The following VRK2 variants were observed in gnomAD, a reference collection of about 807,000 sequenced individuals.
VRK2 encodes VRK serine/threonine kinase 2.
A neutral mutation model predicts 57.6 loss-of-function variants in VRK2; 60 were observed. The ratio of observed to expected loss-of-function variants is 1.04; its 90% CI spans 0.85 to 1.29. The LOEUF (loss-of-function observed/expected upper bound fraction) is 1.29, where lower values mean the gene tolerates loss of function less well. Ranked by LOEUF, VRK2 falls within the 50% of genes most tolerant of loss-of-function variation. The probability of loss-of-function intolerance (pLI) is 0.00; values close to 1 mark genes in which losing one functional copy is unlikely to be tolerated. For missense variants in VRK2, 705 were observed against 588.1 expected (o/e 1.20, Z -2.06); for synonymous variants, 231 against 199.2 (o/e 1.16, Z -1.35).
At chr2:58,020,232 A>T (rs1156455831) in intron 1 of VRK2, among the ~76,000 whole-genome samples, 1 of 152,204 alleles carries the variant, frequency 6.6e-6, no homozygotes, top group Non-Finnish European at 1.5e-5. Context: ...GTTTTTAGAG[A>T]CAGAGTCTTG....
At chr2:57,955,899 C>G (rs1399994579) in intron 1 of VRK2, among the ~76,000 whole-genome samples, 2 of 151,976 alleles carry the variant, frequency 1.3e-5, no homozygotes, top group Non-Finnish European at 2.9e-5. Context: ...GAGTTTTTCA[C>G]CATTGGGAAG....
At chr2:57,945,026 AACTT>A (rs1671219149) in intron 1 of VRK2, among the ~76,000 whole-genome samples, 1 of 152,174 alleles carries the variant, frequency 6.6e-6, no homozygotes, top group South Asian at 2.1e-4. Context: ...TGGGCTCAGA[AACTT>A]ACTCAAGGTC....
intron 7 of VRK2, among the ~76,000 whole-genome samples, chr2:58,103,311 T>TTTTTTG (rs1674284763): frequency 6.7e-6 from 1 of 150,222 alleles, no homozygotes; most frequent in South Asian, 2.1e-4. Flanking sequence ...AAATGAAAAG[T>TTTTTTG]TTGTTCTTTA....
Position 58,131,938 on chromosome 2 carries a change from T to C in VRK2, c.797+10T>C. The C allele has an allele frequency of 6.2e-7, 1 of 1,613,928 alleles. No individual in the cohort carries two copies. The highest frequency in any genetic ancestry group is 1.7e-5 in the Admixed American group (1 of 60,002). On this transcript the variant is annotated intron_variant, in intron 9 of 12. Coordinates refer to ENST00000340157, the MANE Select transcript of VRK2 (RefSeq NM_006296.7). Reference sequence around the variant, plus strand: ...AGACTGCTAAAACAAAGTACAAATTTTCAAGTATTTCATCATGTACTGCAC... The same window carrying C: ...AGACTGCTAAAACAAAGTACAAATTCTCAAGTATTTCATCATGTACTGCAC...
chr2:58,089,339 G>C (rs1672053608), intron 6 of VRK2, among the ~76,000 whole-genome samples: 1 of 152,200 alleles, frequency 6.6e-6, no homozygotes, highest in African/African-American at 2.4e-5. Flanking sequence ...TCTTTGTGCA[G>C]TGCGGTTTGG....
exon 3 of VRK2, chr2:58,033,286 C>T (rs1249920754): frequency 6.6e-6 from 1 of 151,900 alleles, no homozygotes; most frequent in Non-Finnish European, 1.5e-5. Context: ...GCAAAAAGGA[C>T]TTTACAGATC....
rs1266387350 is a variant in VRK2 at position 57,969,942 on chromosome 2, C to T, written c.-438-55723C>T. ...AATTCCATTGACCCCTTGGTATGGA[C>T]GTGTTTCAGTTTCAGTTTCCCCCCC... On this transcript the variant is annotated intron_variant, in intron 1 of 15. Transcript: ENST00000417641. 3.3e-5 allele frequency among the ~76,000 whole-genome samples: 5 copies of T among 151,900 alleles called. No individual in the cohort carries two copies. The East Asian group carries it at 7.7e-4, about 23-fold the overall frequency.
chr2:58,083,734 T>G (rs1189660873), intron 2 of VRK2, among the ~76,000 whole-genome samples: 1 of 151,844 alleles, frequency 6.6e-6, no homozygotes, highest in African/African-American at 2.4e-5. Flanking sequence ...ATGCCATATA[T>G]CTATAAAATA....
chr2:58,000,951 G>A (rs2103623134), intron 1 of VRK2, among the ~76,000 whole-genome samples: 1 of 152,160 alleles, frequency 6.6e-6, no homozygotes, highest in East Asian at 1.9e-4. Flanking sequence ...ACATAAATAT[G>A]CATAGCAGCT....
intron 1 of VRK2, among the ~76,000 whole-genome samples, chr2:58,007,051 G>T (rs543637757): frequency 1.3e-5 from 2 of 152,012 alleles, no homozygotes; most frequent in African/African-American, 4.8e-5. Flanking sequence ...TTTGGACTTT[G>T]ACTGGAACTG....
At chr2:58,074,723 T>C (rs1161514262) in intron 2 of VRK2, among the ~76,000 whole-genome samples, 1 of 152,240 alleles carries the variant, frequency 6.6e-6, no homozygotes, top group African/African-American at 2.4e-5. Flanking sequence ...CACGGTTCAT[T>C]TCTTTTGCAG....
Position 58,146,334 on chromosome 2 carries a change from G to T in VRK2, c.1042G>T (p.Ala348Ser). Residue 348 changes from alanine to serine, a missense_variant, in exon 12 of 13, where the codon GCA becomes TCA. Physicochemically the swap from Ala to Ser is moderately conservative, Grantham distance 99 (BLOSUM62 1). Transcript: ENST00000340157. The part of the protein sequence containing the change: ...NSQKVDSQKA[A>S]TKQVNKAHNR... ...CCAACAGGTTGATTCACAAAAGGCT[G>T]CAACAAAGCAAGTCAACAAGGCACA... is the stretch of plus-strand genomic sequence containing the variant. The T allele has an allele frequency of 6.2e-7, 1 of 1,609,720 alleles. No homozygotes were observed. The highest frequency in any genetic ancestry group is 8.5e-7 in the Non-Finnish European group (1 of 1,177,326).
intron 8 of VRK2, among the ~76,000 whole-genome samples, chr2:58,127,287 A>T (rs3771211): frequency 6.6e-6 from 1 of 152,060 alleles, no homozygotes; most frequent in East Asian, 1.9e-4. Context: ...CGTGCTACCA[A>T]ACTTGGGGAA....
intron 1 of VRK2, among the ~76,000 whole-genome samples, chr2:57,970,398 A>C (rs1672060917): frequency 6.6e-6 from 1 of 151,362 alleles, no homozygotes. Flanking sequence ...ATGTAAAAGA[A>C]TTGTCTATTT....
At chr2:58,137,529 A>C (rs1187513375) in intron 10 of VRK2, among the ~76,000 whole-genome samples, 1 of 151,988 alleles carries the variant, frequency 6.6e-6, no homozygotes, top group Non-Finnish European at 1.5e-5. Context: ...TCTGTTTCTA[A>C]AGCAAAAAGT....
At chr2:58,009,574 G>A (rs891034308) in intron 1 of VRK2, among the ~76,000 whole-genome samples, 2 of 150,090 alleles carry the variant, frequency 1.3e-5, no homozygotes, top group Admixed American at 6.7e-5. Context: ...CACCCATGAT[G>A]TTCACACCTT....
chr2:58,159,503 G>T lies in VRK2; in HGVS notation c.1337G>T (p.Arg446Ile), dbSNP rs1684728342. Residue 446 changes from arginine (R) to isoleucine (I), a missense_variant, in exon 13 of 13, where the codon AGA becomes ATA. By Grantham distance (97) the Arg-to-Ile change is moderately conservative (BLOSUM62 -3). Coordinates refer to ENST00000340157, the MANE Select transcript of VRK2 (RefSeq NM_006296.7). ...FTSPDIFKKS[R>I]SPSWYKYTST... ...AGTCCAGATATATTCAAGAAGTCAA[G>T]ATCTCCATCTTGGTATAAATACACT... 9 of 1,613,536 alleles carry T rather than the reference G, an allele frequency of 5.6e-6. No individual in the cohort carries two copies. Among genetic ancestry groups the T allele is most frequent in the Middle Eastern group, 1.6e-4 (1 of 6,082 alleles).
At chr2:57,987,707 T>A (rs1672640900) in intron 1 of VRK2, among the ~76,000 whole-genome samples, 2 of 152,144 alleles carry the variant, frequency 1.3e-5, no homozygotes, top group African/African-American at 2.4e-5. Context: ...TATATGAATA[T>A]TTGTAGTATA....
intron 1 of VRK2, among the ~76,000 whole-genome samples, chr2:57,918,952 T>C (rs746168708): frequency 9.9e-5 from 15 of 152,156 alleles, no homozygotes; most frequent in Non-Finnish European, 1.9e-4. Context: ...GGTATTGGCA[T>C]GACTAAAATA....
Sources: gnomAD v4.1 joint callset for allele counts (sites outside exome capture counted in the v4.1 genomes callset) on GRCh38, gnomAD v4.1.1 for gene constraint, MANE v1.5 for transcripts, NCBI Gene and HGNC (gene_info 2026-07-23, HGNC 2026-07-21) for gene names.